Variants in FBXL4 observed in about 807,000 individuals in gnomAD.
The protein encoded by FBXL4 is F-box/LRR-repeat protein 4.
A neutral mutation model predicts 58.9 loss-of-function variants in FBXL4; 40 were observed. The observed-to-expected ratio is 0.68, with a 90% CI of 0.53 to 0.88. The LOEUF is 0.88. FBXL4 is among the 40% of genes least tolerant of loss of function. The probability of loss-of-function intolerance (pLI) is 0.00; values close to 1 mark genes in which losing one functional copy is unlikely to be tolerated. For missense variants in FBXL4, 676 were observed against 734.4 expected (o/e 0.92, Z 0.92); for synonymous variants, 263 against 265.5 (o/e 0.99, Z 0.09).
chr6:98,875,773 T>C (rs1582359948), intron 8 of FBXL4, 46 bp from the exon 9 acceptor site: 4 of 1,565,956 alleles, frequency 2.6e-6, no homozygotes, highest in South Asian at 2.2e-5. Context: ...TGCTCAGACA[T>C]GCAAACTGTT....
chr6:98,890,141 T>C (rs991837008), intron 7 of FBXL4, among the ~76,000 whole-genome samples: 3 of 152,220 alleles, frequency 2.0e-5, no homozygotes, highest in African/African-American at 7.2e-5. Flanking sequence ...AACTAGTTTA[T>C]GACTTTTTTT....
intron 5 of FBXL4, among the ~76,000 whole-genome samples, chr6:98,909,584 T>C (rs908383139): frequency 1.4e-4 from 22 of 152,218 alleles, no homozygotes; most frequent in African/African-American, 5.3e-4. Context: ...ATGTATTTGC[T>C]GAAATTATAT....
chr6:98,926,730 T>C lies in FBXL4; in HGVS notation c.259A>G (p.Ser87Gly). The change falls in exon 4 of 10, where the codon AGT becomes GGT. Residue 87 changes from serine (S) to glycine (G), a missense_variant. Coordinates refer to ENST00000369244, the MANE Select transcript of FBXL4 (RefSeq NM_001278716.2). ...NLAGVPNVFP[S>G]SGDFTQTAVF... Reference sequence around the variant, plus strand: ...GCTGTCTGAGTAAAGTCACCAGAACTTGGGAATACATTTGGTACACCAGCC... The same window carrying C: ...GCTGTCTGAGTAAAGTCACCAGAACCTGGGAATACATTTGGTACACCAGCC... 1.9e-6 allele frequency: 3 copies of C among 1,614,190 alleles called. No individual in the cohort carries two copies. Among genetic ancestry groups the C allele is most frequent in the Non-Finnish European group, 1.7e-6 (2 of 1,180,028 alleles).
chr6:98,916,707 T>C (rs1364625199), intron 5 of FBXL4, among the ~76,000 whole-genome samples: 1 of 151,460 alleles, frequency 6.6e-6, no homozygotes, highest in African/African-American at 2.4e-5. Flanking sequence ...TTAGGAGATA[T>C]ACCTAATGCT....
chr6:98,947,321 G>A (rs1234775902), intron 1 of FBXL4, among the ~76,000 whole-genome samples: 1 of 152,210 alleles, frequency 6.6e-6, no homozygotes, highest in Non-Finnish European at 1.5e-5. Flanking sequence ...GTTGTAGCTG[G>A]GCACCCTGTA....
intron 5 of FBXL4, among the ~76,000 whole-genome samples, chr6:98,916,092 A>G (rs1006997540): frequency 6.6e-5 from 10 of 152,186 alleles, no homozygotes; most frequent in African/African-American, 2.4e-4. Context: ...GCCATCAGAG[A>G]AACGCAAATC....
chr6:98,911,516 G>A (rs537088100), intron 5 of FBXL4, among the ~76,000 whole-genome samples: 29 of 152,278 alleles, frequency 1.9e-4, no homozygotes, highest in African/African-American at 5.8e-4. Flanking sequence ...CAGCATTCGC[G>A]GATCACGAAA....
rs560243556 is a variant in FBXL4, at chr6:98,947,926, G to C, written c.-429C>G. The stretch of plus-strand genomic sequence containing the variant: ...GATGCGGCACAACCGCCGCAAGCCC[G>C]GCCTAGCGCGACCCGGAAGGAAGAC... On this transcript the variant is annotated 5_prime_UTR_variant, in exon 1 of 10. Coordinates refer to ENST00000369244, the MANE Select transcript of FBXL4 (RefSeq NM_001278716.2). The C allele has an allele frequency of 2.0e-5, 3 of 151,598 alleles. No individual in the cohort carries two copies. Among genetic ancestry groups the C allele is most frequent in the African/African-American group, 4.8e-5 (2 of 41,312 alleles). 9.4% of individuals were successfully genotyped at this position (151,598 alleles called of 1,614,324 possible). A position where few individuals can be genotyped will look rare whatever the true frequency, so the allele number is the denominator to read the frequency against.
At chr6:98,928,346 G>A (rs78242366) in intron 2 of FBXL4, among the ~76,000 whole-genome samples, 6 of 145,876 alleles carry the variant, frequency 4.1e-5, no homozygotes, top group South Asian at 2.2e-4. Context: ...TTTTTTTTTC[G>A]AGACAGGGTG....
rs189254882 is a variant in FBXL4, at chr6:98,912,144, C to T, written c.858+5230G>A. On this transcript the variant is annotated intron_variant, in intron 5 of 9. Transcript: ENST00000369244. ...TTAGAGAAAAAAGAATAAAAAGAAA[C>T]GGACAAAGCCTCCAAGAAATATGGG... Among the ~76,000 whole-genome samples, 32 of 152,168 alleles carry T rather than the reference C, an allele frequency of 2.1e-4. 2 individuals carry two copies. The East Asian group carries it at 3.3e-3, about 16-fold the overall frequency.
In FBXL4 at chr6:98,941,065, G is replaced by A. The variant is rs538155834; in HGVS notation, c.-308-6186C>T. Among the ~76,000 whole-genome samples the A allele has an allele frequency of 1.2e-4, 19 of 152,146 alleles. No individual in the cohort carries two copies. In the East Asian group the frequency reaches 2.3e-3, roughly 19 times the overall value. On this transcript the variant is annotated intron_variant, in intron 1 of 9. Transcript: ENST00000369244. ...CCAAACCATCCAGCAATCCCATTCC[G>A]AGGTATTTACTCAAGTGTACTGAAA...
intron 5 of FBXL4, among the ~76,000 whole-genome samples, chr6:98,915,886 C>G (rs1291386202): frequency 6.6e-6 from 1 of 151,190 alleles, no homozygotes; most frequent in Non-Finnish European, 1.5e-5. Flanking sequence ...AACAGGCAAC[C>G]TACAAAATGG....
Position 98,935,307 on chromosome 6 carries a change from GT to G in FBXL4, c.-308-429del, listed in dbSNP as rs199838719. Among the ~76,000 whole-genome samples, 390 of 126,482 alleles carry G rather than the reference GT, an allele frequency of 3.1e-3. 4 individuals carry two copies. The highest frequency in any genetic ancestry group is 9.5e-3 in the African/African-American group (328 of 34,366). 83.0% of individuals were successfully genotyped at this position (126,482 alleles called of 152,430 possible). On this transcript the variant is annotated intron_variant, in intron 1 of 9. Transcript: ENST00000369244. ...TATAGGATGAGTGGAATGGTTTTTT[GT>G]TTTTTTTTTTTCTGATATAATGGAT...
chr6:98,900,512 C>T lies in FBXL4; in HGVS notation c.1104-1031G>A, dbSNP rs554210822. 6.4e-4 allele frequency among the ~76,000 whole-genome samples: 97 copies of T among 152,156 alleles called. 1 individual carries two copies. The highest frequency in any genetic ancestry group is 1.3e-3 in the Non-Finnish European group (87 of 68,026). ...GTTTTTTGCATTGTTTGACTAGTTC[C>T]TAGCAGAGACCTTGGAAAAGGCATC... On this transcript the variant is annotated intron_variant, in intron 6 of 9. Coordinates refer to ENST00000369244, the MANE Select transcript of FBXL4 (RefSeq NM_001278716.2).
At chr6:98,905,355 G>GA in intron 6 of FBXL4, 71 bp downstream of exon 6, 1 of 1,524,814 alleles carries the variant, frequency 6.6e-7, no homozygotes, top group Non-Finnish European at 8.9e-7. Context: ...CTTTTATTAT[G>GA]AAAACCACTA....
chr6:98,891,351 C>T (rs1343835743), intron 7 of FBXL4, among the ~76,000 whole-genome samples: 1 of 152,152 alleles, frequency 6.6e-6, no homozygotes, highest in Non-Finnish European at 1.5e-5. Flanking sequence ...CTCTAACATA[C>T]AAGTTTCAGT....
intron 5 of FBXL4, among the ~76,000 whole-genome samples, chr6:98,912,918 T>C (rs1257136360): frequency 2.0e-5 from 3 of 151,952 alleles, no homozygotes; most frequent in Non-Finnish European, 4.4e-5. Context: ...CAGTGTGCTG[T>C]ATTCAGGAAA....
intron 7 of FBXL4, among the ~76,000 whole-genome samples, chr6:98,881,147 G>T (rs1281800833): frequency 6.6e-6 from 1 of 152,114 alleles, no homozygotes; most frequent in Non-Finnish European, 1.5e-5. Flanking sequence ...GATTCTCTTT[G>T]CTGACAAGGA....
chr6:98,903,661 T>C (rs566735935), intron 6 of FBXL4, among the ~76,000 whole-genome samples: 2 of 152,278 alleles, frequency 1.3e-5, no homozygotes, highest in African/African-American at 4.8e-5. Context: ...TTATAAGTGA[T>C]GTTTCTTCTC....
Sources: gnomAD v4.1 joint callset for allele counts (sites outside exome capture counted in the v4.1 genomes callset) on GRCh38, gnomAD v4.1.1 for gene constraint, MANE v1.5 for transcripts, NCBI Gene and HGNC (gene_info 2026-07-23, HGNC 2026-07-21) for gene names.